Variants in FMN2 observed in about 807,000 individuals in gnomAD.
FMN2 encodes formin-2.
Under a neutral mutation model 142.3 loss-of-function variants are expected in FMN2, and 51 were observed. That is an observed-to-expected ratio of 0.36 (90% confidence interval 0.29 to 0.45). The LOEUF is 0.45. FMN2 is among the 20% of genes least tolerant of loss of function. The pLI, the probability that FMN2 is intolerant of heterozygous loss-of-function variation, is 1.00. For missense variants in FMN2, 1,936 were observed against 2,122.8 expected (o/e 0.91, Z 1.73); for synonymous variants, 882 against 869.8 (o/e 1.01, Z -0.25).
At chr1:240,472,235 A>G (rs1676836413) in intron 16 of FMN2, 137 bp from the exon 17 acceptor site, 1 of 639,684 alleles carries the variant, frequency 1.6e-6, no homozygotes, top group African/African-American at 1.9e-5. Flanking sequence ...AATGTCAGAT[A>G]ACATTCTTCT....
rs570977036 is a variant in FMN2 at position 240,337,199 on chromosome 1, T to G, written c.4765+2970T>G. Among the ~76,000 whole-genome samples the G allele has an allele frequency of 5.6e-3, 749 of 133,642 alleles. 6 individuals carry two copies. Among genetic ancestry groups the G allele is most frequent in the African/African-American group, 0.024 (709 of 29,780 alleles). The allele number at this position is 133,642 out of a possible 152,430, so 87.7% of individuals were successfully genotyped here. On this transcript the variant is annotated intron_variant, in intron 13 of 17. Transcript: ENST00000319653. ...AAAGTAGCCTATTAAAAATTATTCC[T>G]TTTCTTTTTTTTTTTTTTTTTTTTT...
At chr1:240,190,810 T>G (rs778247135) in intron 4 of FMN2, among the ~76,000 whole-genome samples, 1 of 152,214 alleles carries the variant, frequency 6.6e-6, no homozygotes. Context: ...AGATACATTA[T>G]AGAGGCAAAT....
At chr1:240,330,039 T>A (rs577464674) in intron 10 of FMN2, among the ~76,000 whole-genome samples, 5 of 152,296 alleles carry the variant, frequency 3.3e-5, no homozygotes, top group Admixed American at 2.0e-4. Context: ...TGAAAAGATG[T>A]TTTTAAAGGC....
rs890260236 is a variant in FMN2, at chr1:240,144,242, CCACT to C, written c.1782+20901_1782+20904del. The C allele has an allele frequency of 1.9e-6, 3 of 1,580,518 alleles. No individual in the cohort carries two copies. The African/African-American group carries it at 4.0e-5, about 21-fold the overall frequency. ...TTAAACAAAAGCTGCATTCACAAAG[CCACT>C]CACAAAAGAGGAGGCCAGGTTCATG... On this transcript the variant is annotated intron_variant, in intron 2 of 17. Transcript: ENST00000319653.
intron 1 of FMN2, among the ~76,000 whole-genome samples, chr1:240,122,062 A>AAATT (rs138503789): frequency 0.35 from 33,888 of 97,090 alleles, 4,146 homozygotes; most frequent in African/African-American, 0.4. Flanking sequence ...TTTGGATCCA[A>AAATT]AATTAATTAA....
At chr1:240,335,096 C>A (rs900026667) in intron 13 of FMN2, among the ~76,000 whole-genome samples, 2 of 152,128 alleles carry the variant, frequency 1.3e-5, no homozygotes, top group African/African-American at 2.4e-5. Context: ...ATTCTAGTTA[C>A]AGGTGTTTTA....
chr1:240,304,529 C>G (rs1670310244), intron 8 of FMN2, among the ~76,000 whole-genome samples: 1 of 152,116 alleles, frequency 6.6e-6, no homozygotes, highest in South Asian at 2.1e-4. Flanking sequence ...TCTTTAATGT[C>G]TGGCTCCCAA....
chr1:240,311,857 G>A (rs1032503186), intron 8 of FMN2, among the ~76,000 whole-genome samples: 23 of 152,126 alleles, frequency 1.5e-4, no homozygotes, highest in Admixed American at 3.3e-4. Context: ...ACAAGGTCTC[G>A]CTCTCTTGGC....
At chr1:240,206,735 T>G in intron 4 of FMN2, 64 bp from the exon 5 acceptor site, 1 of 1,530,100 alleles carries the variant, frequency 6.5e-7, no homozygotes, top group Non-Finnish European at 8.8e-7. Context: ...TTTTGCTTAA[T>G]TTTTTGCTAT....
At chr1:240,189,916 T>C (rs1197999538) in intron 4 of FMN2, among the ~76,000 whole-genome samples, 2 of 152,248 alleles carry the variant, frequency 1.3e-5, no homozygotes, top group East Asian at 3.8e-4. Context: ...AAATTGTGAT[T>C]TAAAGGGATA....
rs758461314 is a variant in FMN2, at chr1:240,349,573, A to G, written c.4766-6243A>G. On this transcript the variant is annotated intron_variant, in intron 13 of 17. Transcript: ENST00000319653. Reference sequence around the variant, plus strand: ...TGTCATGTCCTTGCTTTAATCTGACAGTGATAAACTGGTGTTTGCCCCACA... The same window carrying G: ...TGTCATGTCCTTGCTTTAATCTGACGGTGATAAACTGGTGTTTGCCCCACA... 5.9e-5 allele frequency among the ~76,000 whole-genome samples: 9 copies of G among 152,232 alleles called. No individual in the cohort carries two copies. In the East Asian group the frequency reaches 1.7e-3, roughly 29 times the overall value.
chr1:240,118,876 T>C (rs1662125348), intron 1 of FMN2, among the ~76,000 whole-genome samples: 1 of 152,072 alleles, frequency 6.6e-6, no homozygotes, highest in South Asian at 2.1e-4. Flanking sequence ...TAGAGGTTAG[T>C]GGATGGCAGA....
At chr1:240,127,393 GC>G (rs2103226924) in intron 2 of FMN2, among the ~76,000 whole-genome samples, 2 of 150,070 alleles carry the variant, frequency 1.3e-5, no homozygotes, top group South Asian at 4.2e-4. Flanking sequence ...TTAAATGGGA[GC>G]TTTTGGGAGG....
rs34849609 is a variant in FMN2 at position 240,445,702 on chromosome 1, G to GTTTT, written c.5060+7503_5060+7506dup. On this transcript the variant is annotated intron_variant, in intron 16 of 17. Transcript: ENST00000319653. ...GCATTCAATAGGAAGCCATCAAAGG[G>GTTTT]TTTTTTTTTTTTTTCTGGAGAGAAA... 5.9e-3 allele frequency among the ~76,000 whole-genome samples: 844 copies of GTTTT among 143,326 alleles called. 6 individuals carry two copies. The highest frequency in any genetic ancestry group is 8.4e-3 in the African/African-American group (326 of 38,706). 94.0% of individuals were successfully genotyped at this position (143,326 alleles called of 152,430 possible). A position where few individuals can be genotyped will look rare whatever the true frequency, so the allele number is the denominator to read the frequency against.
At chr1:240,214,284 G>C (rs976831129) in intron 6 of FMN2, among the ~76,000 whole-genome samples, 2 of 152,114 alleles carry the variant, frequency 1.3e-5, no homozygotes, top group African/African-American at 2.4e-5. Context: ...GGGTGTGGTG[G>C]CTCACGCCTG....
At chr1:240,355,146 G>T (rs965207967) in intron 13 of FMN2, among the ~76,000 whole-genome samples, 6 of 152,154 alleles carry the variant, frequency 3.9e-5, no homozygotes, top group African/African-American at 1.4e-4. Flanking sequence ...GGACTCTTGG[G>T]CAAATTAGTG....
intron 13 of FMN2, among the ~76,000 whole-genome samples, chr1:240,339,655 A>G (rs1671683258): frequency 6.6e-6 from 1 of 152,164 alleles, no homozygotes; most frequent in East Asian, 1.9e-4. Context: ...TGTAGAGAAG[A>G]AAACATTTGT....
At chr1:240,188,064 CA>C in intron 3 of FMN2, 142 bp from the exon 4 acceptor site, 1 of 693,552 alleles carries the variant, frequency 1.4e-6, no homozygotes, top group Non-Finnish European at 2.4e-6. Flanking sequence ...CCTAATAACC[CA>C]GTTATATAAT....
At chr1:240,347,832 G>A (rs551162402) in intron 13 of FMN2, among the ~76,000 whole-genome samples, 79 of 152,270 alleles carry the variant, frequency 5.2e-4, no homozygotes, top group African/African-American at 1.8e-3. Context: ...TTAGGATAAT[G>A]GCCTCTAGCT....
Sources: gnomAD v4.1 joint callset for allele counts (sites outside exome capture counted in the v4.1 genomes callset) on GRCh38, gnomAD v4.1.1 for gene constraint, MANE v1.5 for transcripts, NCBI Gene and HGNC (gene_info 2026-07-23, HGNC 2026-07-21) for gene names.